STAT5A: variants seen among roughly 807,000 people sequenced by gnomAD.
The protein encoded by STAT5A is signal transducer and activator of transcription 5A.
In STAT5A, 26 loss-of-function variants were observed where a neutral mutation model predicts 100.2. That is an observed-to-expected ratio of 0.26 (90% CI 0.19 to 0.36). The LOEUF (loss-of-function observed/expected upper bound fraction) is 0.36, where lower values mean the gene tolerates loss of function less well. Among genes scored for constraint, STAT5A ranks in the 10% least tolerant of loss-of-function variants. STAT5A has a pLI of 1.00. For missense variants in STAT5A, 634 were observed against 1,027.5 expected, an observed-to-expected ratio of 0.62 and a Z score of 5.24; for synonymous variants, 330 against 424.3, an observed-to-expected ratio of 0.78 and a Z score of 2.73.
At position 42,307,579 on chromosome 17, in the gene STAT5A, C is replaced by T. The variant is rs201027969; in HGVS notation, c.1776-14C>T. 1.9e-5 allele frequency: 31 copies of T among 1,614,102 alleles called. No individual in the cohort carries two copies. The East Asian group carries it at 6.7e-4, about 35-fold the overall frequency. ...TGTGGCCCAGTGGTGACGCTCAATG[C>T]TCCGTGCACCCAGGGCCATCCTAGG... On this transcript the variant is annotated splice_polypyrimidine_tract_variant and intron_variant, in intron 14 of 18. Coordinates refer to ENST00000590949, the MANE Select transcript of STAT5A (RefSeq NM_001288718.2).
chr17:42,288,118 C>T (rs1026508416), upstream of STAT5A: 8 of 152,398 alleles, frequency 5.2e-5, no homozygotes, highest in African/African-American at 1.9e-4. The surrounding 1 kb of genome is among the most constrained non-coding windows in gnomAD (Gnocchi z 4.8). Context: ...CTTTTCCCTC[C>T]TCCCTTTTTG....
At chr17:42,292,135 G>C in intron 4 of STAT5A, 74 bp downstream of exon 4, 2 of 1,552,508 alleles carry the variant, frequency 1.3e-6, no homozygotes, top group East Asian at 4.5e-5. Flanking sequence ...AAACAACTGT[G>C]TTTATATAAA....
In STAT5A at chr17:42,298,099, C is replaced by G. The variant is rs73983704; in HGVS notation, c.551-1652C>G. Among the ~76,000 whole-genome samples the G allele has an allele frequency of 3.8e-3, 578 of 151,630 alleles. 6 individuals are homozygous for G. Among genetic ancestry groups the G allele is most frequent in the African/African-American group, 0.012 (510 of 41,168 alleles). ...ACTGTGGACATGTTTACTTTCTTAG[C>G]CTGGGTTATTGATACACAGGCGCCC... is the stretch of plus-strand genomic sequence containing the variant. On this transcript the variant is annotated intron_variant, in intron 5 of 18. Coordinates refer to ENST00000590949, the MANE Select transcript of STAT5A (RefSeq NM_001288718.2).
At chr17:42,301,591 T>C in intron 9 of STAT5A, 137 bp downstream of exon 9, 1 of 1,332,540 alleles carries the variant, frequency 7.5e-7, no homozygotes, top group South Asian at 1.4e-5. Flanking sequence ...CCTGGACTCA[T>C]GCAGTCTTCC....
At chr17:42,306,156 C>G in intron 12 of STAT5A, 85 bp from the exon 13 acceptor site, 1 of 1,602,172 alleles carries the variant, frequency 6.2e-7, no homozygotes, top group South Asian at 1.1e-5. Context: ...TCTCCTCTGT[C>G]TCTAGGTGTC....
chr17:42,308,320 C>T lies in STAT5A; in HGVS notation c.2049C>T (p.Tyr683=). 1 of 1,614,238 alleles carries T rather than the reference C, an allele frequency of 6.2e-7. No individual in the cohort carries two copies. The highest frequency in any genetic ancestry group is 8.5e-7 in the Non-Finnish European group (1 of 1,180,036). The change falls in exon 16 of 19, where the codon TAC becomes TAT. Residue 683 remains tyrosine, a synonymous_variant. Coordinates refer to ENST00000590949, the MANE Select transcript of STAT5A (RefSeq NM_001288718.2). The surrounding 1 kb of genome is among the most constrained non-coding windows in gnomAD (Gnocchi z 4.6). ...AGGATGAGGTCTTCTCCAAGTACTA[C>T]ACTCCTGTGCTGGGTGGGTACTGCC... ...RPKDEVFSKY[Y]TPVLAKAVDG...
intron 5 of STAT5A, among the ~76,000 whole-genome samples, chr17:42,298,662 G>A (rs1370636878): frequency 1.3e-5 from 2 of 151,526 alleles, no homozygotes; most frequent in Non-Finnish European, 2.9e-5. Flanking sequence ...TAGTAGAGAT[G>A]GGGTTTCACT....
At chr17:42,305,529 A>T in intron 11 of STAT5A, 81 bp from the exon 12 acceptor site, 1 of 1,158,768 alleles carries the variant, frequency 8.6e-7, no homozygotes. Flanking sequence ...AAAAAAAAAT[A>T]AAGCAGATTG....
In STAT5A at chr17:42,307,659, C is replaced by T. The variant is rs757058638; in HGVS notation, c.1842C>T (p.Thr614=). Residue 614 remains threonine (T), a synonymous_variant, in exon 15 of 19, where the codon ACC becomes ACT. Coordinates refer to ENST00000590949, the MANE Select transcript of STAT5A (RefSeq NM_001288718.2). ...HDLLINKPDG[T]FLLRFSDSEI... is the part of the protein sequence containing the mutation. ...TGCTCATCAACAAGCCCGACGGGAC[C>T]TTCTTGTTGCGCTTTAGTGACTCAG... 2 of 1,614,134 alleles carry T rather than the reference C, an allele frequency of 1.2e-6. No individual in the cohort carries two copies. Among genetic ancestry groups the T allele is most frequent in the Non-Finnish European group, 1.7e-6 (2 of 1,180,010 alleles).
intron 9 of STAT5A, among the ~76,000 whole-genome samples, chr17:42,302,872 C>A (rs1404299941): frequency 1.3e-5 from 2 of 152,034 alleles, no homozygotes; most frequent in East Asian, 3.9e-4. Flanking sequence ...AAGAAAATCA[C>A]TTGAACCCGG....
At position 42,307,577 on chromosome 17, in the gene STAT5A, T is replaced by A; in HGVS notation, c.1776-16T>A. On this transcript the variant is annotated splice_polypyrimidine_tract_variant and intron_variant, in intron 14 of 18. Coordinates refer to ENST00000590949, the MANE Select transcript of STAT5A (RefSeq NM_001288718.2). ...GCTGTGGCCCAGTGGTGACGCTCAA[T>A]GCTCCGTGCACCCAGGGCCATCCTA... The A allele has an allele frequency of 1.2e-6, 2 of 1,614,106 alleles. No individual in the cohort carries two copies. Among genetic ancestry groups the A allele is most frequent in the South Asian group, 2.2e-5 (2 of 91,082 alleles).
At chr17:42,291,164 C>T (rs2080864843) in intron 3 of STAT5A, among the ~76,000 whole-genome samples, 1 of 152,208 alleles carries the variant, frequency 6.6e-6, no homozygotes, top group Admixed American at 6.5e-5. Flanking sequence ...ACCTAGATCC[C>T]TCGCATGTGC....
chr17:42,306,815 G>A (rs1358071574), intron 13 of STAT5A, among the ~76,000 whole-genome samples: 1 of 152,050 alleles, frequency 6.6e-6, no homozygotes, highest in African/African-American at 2.4e-5. Flanking sequence ...TGCCTCCCGG[G>A]TTCAAGTGAT....
intron 5 of STAT5A, among the ~76,000 whole-genome samples, chr17:42,298,755 G>A (rs998159292): frequency 5.9e-5 from 9 of 152,284 alleles, no homozygotes; most frequent in African/African-American, 1.7e-4. Context: ...CCAAAGTGCT[G>A]GGATTACAGG....
In STAT5A at chr17:42,308,906, T is replaced by C. The variant is rs1318622337; in HGVS notation, c.2063-141T>C. On this transcript the variant is annotated intron_variant, in intron 16 of 18. Coordinates refer to ENST00000590949, the MANE Select transcript of STAT5A (RefSeq NM_001288718.2). This position sits in a 1 kb window ranked among gnomAD's most constrained non-coding sequence, Gnocchi z 4.6. ...GGCAGGATTCATCAGCTGGTGTTTA[T>C]TGGGGGTCCTTGGGAAATCTCATCC... 3.9e-6 allele frequency: 4 copies of C among 1,035,306 alleles called. No homozygotes were observed. Among genetic ancestry groups the C allele is most frequent in the African/African-American group, 1.6e-5 (1 of 63,344 alleles). The allele number at this position is 1,035,306 out of a possible 1,614,324, so 64.1% of individuals were successfully genotyped here. A position where few individuals can be genotyped will look rare whatever the true frequency, so the allele number is the denominator to read the frequency against.
Position 42,309,466 on chromosome 17 carries a change from A to C in STAT5A, c.2204A>C (p.Tyr735Ser). ...CCAGCTGTGTGCCCCCAGGCTCCCTATAACATGTACCCACAGAAGTAGGTG... is the reference window on the plus strand; with the variant it reads ...CCAGCTGTGTGCCCCCAGGCTCCCTCTAACATGTACCCACAGAAGTAGGTG... ...PSPAVCPQAP[Y>S]NMYPQNPDHV... The change falls in exon 18 of 19, where the codon TAT (tyrosine) becomes TCT (serine). Residue 735 changes from tyrosine (Y) to serine (S), a missense_variant. Tyr to Ser is a moderately radical substitution (Grantham distance 144). Coordinates refer to ENST00000590949, the MANE Select transcript of STAT5A (RefSeq NM_001288718.2). 5 of 1,613,984 alleles carry C rather than the reference A, an allele frequency of 3.1e-6. No individual in the cohort carries two copies. Among genetic ancestry groups the C allele is most frequent in the Non-Finnish European group, 4.2e-6 (5 of 1,179,932 alleles).
chr17:42,294,243 C>A (rs1007728742), intron 4 of STAT5A, among the ~76,000 whole-genome samples: 3 of 151,788 alleles, frequency 2.0e-5, no homozygotes, highest in Non-Finnish European at 4.4e-5. Context: ...GGTTAGAAAC[C>A]AGGTCACAAA....
Position 42,310,494 on chromosome 17 carries a change from CT to C in STAT5A, c.2223-12del. ...CATGCCAGCTCCCTCTGACATCCCC[CT>C]GTCTTTACCAGCCCTGACCATGTAC... On this transcript the variant is annotated splice_polypyrimidine_tract_variant and intron_variant, in intron 18 of 18. Transcript: ENST00000590949. The C allele has an allele frequency of 6.2e-7, 1 of 1,613,918 alleles. No individual in the cohort carries two copies. Among genetic ancestry groups the C allele is most frequent in the Non-Finnish European group, 8.5e-7 (1 of 1,179,866 alleles).
At position 42,308,927 on chromosome 17, in the gene STAT5A, C is replaced by A; in HGVS notation, c.2063-120C>A. On this transcript the variant is annotated intron_variant, in intron 16 of 18. Coordinates refer to ENST00000590949, the MANE Select transcript of STAT5A (RefSeq NM_001288718.2). This position sits in a 1 kb window ranked among gnomAD's most constrained non-coding sequence, Gnocchi z 4.6. ...TTTATTGGGGGTCCTTGGGAAATCTCATCCCAGCTGAGAACACAAGGTGAT... is the reference window on the plus strand; with the variant it reads ...TTTATTGGGGGTCCTTGGGAAATCTAATCCCAGCTGAGAACACAAGGTGAT... 2 of 1,312,474 alleles carry A rather than the reference C, an allele frequency of 1.5e-6. No homozygotes were observed. Among genetic ancestry groups the A allele is most frequent in the South Asian group, 1.3e-5 (1 of 78,910 alleles). The allele number at this position is 1,312,474 out of a possible 1,614,324, so 81.3% of individuals were successfully genotyped here.
Sources: gnomAD v4.1 joint callset for allele counts (sites outside exome capture counted in the v4.1 genomes callset) on GRCh38, gnomAD v4.1.1 for gene constraint, Gnocchi (gnomAD v3.1) non-coding constraint, MANE v1.5 for transcripts, NCBI Gene and HGNC (gene_info 2026-07-23, HGNC 2026-07-21) for gene names.